The following PTPRM variants were observed in gnomAD, a reference collection of about 807,000 sequenced individuals.
The protein encoded by PTPRM is receptor-type tyrosine-protein phosphatase mu.
Under a neutral mutation model 186.7 loss-of-function variants are expected in PTPRM, and 47 were observed. The observed-to-expected ratio is 0.25, with a 90% confidence interval of 0.20 to 0.32. The LOEUF (loss-of-function observed/expected upper bound fraction) is 0.32. Among genes scored for constraint, PTPRM ranks in the 10% least tolerant of loss-of-function variants. The pLI is 1.00. For synonymous variants in PTPRM, 668 were observed against 674.9 expected, an observed-to-expected ratio of 0.99 and a Z score of 0.16; for missense variants, 1,494 against 1,865.0, an observed-to-expected ratio of 0.80 and a Z score of 3.66.
At chr18:8,085,893 G>A (rs977209656) in intron 10 of PTPRM, 21 bp downstream of exon 10, 19 of 1,599,896 alleles carry the variant, frequency 1.2e-5, no homozygotes, top group Non-Finnish European at 1.6e-5. Context: ...TTCGTGAGTT[G>A]TGTCTTTTAT....
chr18:8,366,074 T>A (rs2148423984), intron 23 of PTPRM, among the ~76,000 whole-genome samples: 1 of 152,294 alleles, frequency 6.6e-6, no homozygotes, highest in African/African-American at 2.4e-5. Flanking sequence ...GGCTGTAGAA[T>A]TTGTTAAGAC....
At chr18:7,869,477 CG>C (rs952787889) in intron 2 of PTPRM, among the ~76,000 whole-genome samples, 6 of 152,158 alleles carry the variant, frequency 3.9e-5, no homozygotes, top group African/African-American at 1.4e-4. Context: ...TTGCGCTTCC[CG>C]GGAGGCAATG....
At chr18:8,232,801 C>CA (rs766741097) in intron 14 of PTPRM, among the ~76,000 whole-genome samples, 1 of 152,130 alleles carries the variant, frequency 6.6e-6, no homozygotes, top group Non-Finnish European at 1.5e-5. Context: ...AAGACAAAGA[C>CA]AAAAGAGTAT....
rs1028624600 is a variant in PTPRM at position 7,902,349 on chromosome 18, T to C, written c.469-4156T>C. 2.6e-5 allele frequency among the ~76,000 whole-genome samples: 4 copies of C among 152,180 alleles called. No individual in the cohort carries two copies. The East Asian group carries it at 7.7e-4, about 29-fold the overall frequency. On this transcript the variant is annotated intron_variant, in intron 3 of 32. Transcript: ENST00000580170. Reference sequence around the variant, plus strand: ...TGACAAGTCATCTTGCTGGGAAATATGGGGCGAATTGGCTTGTTTCTGAGA... The same window carrying C: ...TGACAAGTCATCTTGCTGGGAAATACGGGGCGAATTGGCTTGTTTCTGAGA...
At chr18:7,789,906 CAT>C (rs1442834224) in intron 2 of PTPRM, among the ~76,000 whole-genome samples, 2 of 152,196 alleles carry the variant, frequency 1.3e-5, no homozygotes, top group African/African-American at 2.4e-5. Context: ...TGAGCATTCA[CAT>C]TTTCTTACCC....
rs1262849675 is a variant in PTPRM, at chr18:7,567,797, G to A, written c.-22G>A. On this transcript the variant is annotated 5_prime_UTR_variant, in exon 1 of 33. Transcript: ENST00000580170. The surrounding 1 kb of genome is among the most constrained non-coding windows in gnomAD (Gnocchi z 4.3). ...CGCCCACCCACCGCCGCCGGGGAGC[G>A]GCCCGGCCCGCACTCAGCACCATGA... 6 of 1,519,072 alleles carry A rather than the reference G, an allele frequency of 3.9e-6. No individual in the cohort carries two copies. The highest frequency in any genetic ancestry group is 2.7e-5 in the East Asian group (1 of 36,948). 94.1% of individuals were successfully genotyped at this position (1,519,072 alleles called of 1,614,324 possible).
intron 19 of PTPRM, among the ~76,000 whole-genome samples, chr18:8,260,854 G>A (rs915811156): frequency 6.6e-6 from 1 of 152,206 alleles, no homozygotes; most frequent in African/African-American, 2.4e-5. Context: ...GGCGCCCCGG[G>A]CATCTGGGCT....
At chr18:7,867,275 G>A (rs1231341725) in intron 2 of PTPRM, among the ~76,000 whole-genome samples, 2 of 152,140 alleles carry the variant, frequency 1.3e-5, no homozygotes, top group African/African-American at 4.8e-5. Context: ...GTTAGTTAAT[G>A]CAATTTCTTC....
At chr18:8,131,656 T>C (rs2092511685) in intron 13 of PTPRM, among the ~76,000 whole-genome samples, 1 of 152,184 alleles carries the variant, frequency 6.6e-6, no homozygotes, top group Non-Finnish European at 1.5e-5. Flanking sequence ...GGATGCACTT[T>C]AATAGAACTC....
rs749637336 is a variant in PTPRM at position 8,378,246 on chromosome 18, G to C, written c.3463-19G>C. ...TCTGGTTCTCTAAAGTTAGTAACTC[G>C]TTCCATCTCCTTCTCCAGGAGCAGT... is the stretch of plus-strand genomic sequence containing the variant. On this transcript the variant is annotated intron_variant, in intron 26 of 32. Transcript: ENST00000580170. 4.4e-6 allele frequency: 7 copies of C among 1,599,604 alleles called. No individual in the cohort carries two copies. The South Asian group carries it at 6.7e-5, about 15-fold the overall frequency.
intron 1 of PTPRM, among the ~76,000 whole-genome samples, chr18:7,688,446 C>T (rs534321003): frequency 6.6e-6 from 1 of 152,330 alleles, no homozygotes; most frequent in South Asian, 2.1e-4. Flanking sequence ...GCTCAGACAT[C>T]TGAAGCTTTT....
intron 9 of PTPRM, among the ~76,000 whole-genome samples, chr18:8,082,746 A>T (rs773437089): frequency 2.0e-5 from 3 of 151,250 alleles, no homozygotes; most frequent in Non-Finnish European, 4.4e-5. Context: ...ATTGAATATC[A>T]TCTCAATGTT....
chr18:8,036,527 A>T (rs551480237), intron 7 of PTPRM, among the ~76,000 whole-genome samples: 2 of 152,324 alleles, frequency 1.3e-5, no homozygotes, highest in East Asian at 3.9e-4. Context: ...AAAATGGTAA[A>T]TTGATAGTAC....
chr18:7,936,336 C>T (rs1408907707), intron 5 of PTPRM, among the ~76,000 whole-genome samples: 1 of 152,224 alleles, frequency 6.6e-6, no homozygotes, highest in Non-Finnish European at 1.5e-5. Flanking sequence ...CCCAGGAAGA[C>T]ACCCCTGCAC....
intron 2 of PTPRM, among the ~76,000 whole-genome samples, chr18:7,838,634 G>A (rs1479407490): frequency 2.0e-5 from 3 of 152,198 alleles, no homozygotes; most frequent in Non-Finnish European, 2.9e-5. Context: ...TACAGCACTG[G>A]GTCTTTCCCA....
At chr18:7,852,861 C>G (rs749890933) in intron 2 of PTPRM, among the ~76,000 whole-genome samples, 12 of 151,976 alleles carry the variant, frequency 7.9e-5, no homozygotes, top group Non-Finnish European at 1.6e-4. Flanking sequence ...GTCAATCAAC[C>G]AACCAATCAA....
chr18:8,213,899 T>C (rs918336502), intron 14 of PTPRM, among the ~76,000 whole-genome samples: 1 of 152,162 alleles, frequency 6.6e-6, no homozygotes, highest in Non-Finnish European at 1.5e-5. Context: ...TTTATAGAAA[T>C]ATTTATATAC....
At chr18:8,085,182 C>CT (rs1220210700) in intron 9 of PTPRM, among the ~76,000 whole-genome samples, 1 of 151,966 alleles carries the variant, frequency 6.6e-6, no homozygotes, top group Non-Finnish European at 1.5e-5. Flanking sequence ...TGGAATCTGT[C>CT]TAGGATTCCA....
intron 1 of PTPRM, among the ~76,000 whole-genome samples, chr18:7,580,177 G>A (rs961694573): frequency 1.3e-5 from 2 of 152,170 alleles, no homozygotes; most frequent in African/African-American, 2.4e-5. Context: ...ATCAGCTTAT[G>A]TCTTAGTTCA....
Sources: gnomAD v4.1 joint callset for allele counts (sites outside exome capture counted in the v4.1 genomes callset) on GRCh38, gnomAD v4.1.1 for gene constraint, Gnocchi (gnomAD v3.1) non-coding constraint, MANE v1.5 for transcripts, NCBI Gene and HGNC (gene_info 2026-07-23, HGNC 2026-07-21) for gene names.